CDH19: variants seen among roughly 807,000 people sequenced by gnomAD.
CDH19 encodes the protein cadherin-19.
CDH19 carries 67 observed loss-of-function variants against 64.2 expected under a neutral mutation model. The ratio of observed to expected loss-of-function variants is 1.04; its 90% confidence interval spans 0.86 to 1.28. The LOEUF is 1.28. Among genes scored for constraint, CDH19 ranks in the 50% most tolerant of loss-of-function variants. The pLI, the probability that CDH19 is intolerant of heterozygous loss-of-function variation, is 0.00. For missense variants in CDH19, 1,030 were observed against 929.0 expected, an observed-to-expected ratio of 1.11 and a Z score of -1.41; for synonymous variants, 346 against 319.3, an observed-to-expected ratio of 1.08 and a Z score of -0.89.
chr18:66,568,755 T>C (rs1478264808), intron 2 of CDH19, 45 bp from the exon 3 acceptor site: 2 of 1,438,926 alleles, frequency 1.4e-6, no homozygotes, highest in African/African-American at 1.4e-5. Context: ...ACATCTGAAA[T>C]GGACAAATCA....
chr18:66,569,223 C>G (rs1328022662), intron 2 of CDH19, among the ~76,000 whole-genome samples: 1 of 151,598 alleles, frequency 6.6e-6, no homozygotes, highest in Non-Finnish European at 1.5e-5. Context: ...GTATTTATTA[C>G]ATGTCATAAA....
chr18:66,511,797 A>T (rs79070032), intron 9 of CDH19, 112 bp from the exon 10 acceptor site: 1 of 663,630 alleles, frequency 1.5e-6, no homozygotes, highest in African/African-American at 1.9e-5. Context: ...CAATAGGGAC[A>T]TTGCAGAAAA....
At chr18:66,530,117 A>G (rs1043639938) in intron 8 of CDH19, 151 bp from the exon 9 acceptor site, 1 of 382,544 alleles carries the variant, frequency 2.6e-6, no homozygotes, top group African/African-American at 2.1e-5. Flanking sequence ...TGATTCACCT[A>G]CTTATCAACA....
chr18:66,521,702 A>C lies in CDH19; in HGVS notation c.1458+8143T>G, dbSNP rs1020765700. Reference sequence around the variant, plus strand: ...AGGCATTAATCACCATGCCCAGCTAATTAAAAAAAAAAAATGTAGAGACGG... The same window carrying C: ...AGGCATTAATCACCATGCCCAGCTACTTAAAAAAAAAAAATGTAGAGACGG... On this transcript the variant is annotated intron_variant, in intron 9 of 11. Transcript: ENST00000262150. 2.0e-5 allele frequency among the ~76,000 whole-genome samples: 3 copies of C among 150,086 alleles called. No individual in the cohort carries two copies. In the South Asian group the frequency reaches 6.3e-4, roughly 31 times the overall value.
chr18:66,515,524 A>G (rs1271060146), intron 9 of CDH19, among the ~76,000 whole-genome samples: 1 of 151,798 alleles, frequency 6.6e-6, no homozygotes, highest in African/African-American at 2.4e-5. Flanking sequence ...AAATGTTCAA[A>G]AGGTCATTAT....
chr18:66,568,859 T>G (rs1459353578), intron 2 of CDH19, 149 bp from the exon 3 acceptor site: 2 of 627,936 alleles, frequency 3.2e-6, no homozygotes, highest in African/African-American at 3.7e-5. Context: ...AAAATATTAA[T>G]ATCAAGATTA....
intron 9 of CDH19, among the ~76,000 whole-genome samples, chr18:66,526,106 G>A (rs1221495732): frequency 6.6e-6 from 1 of 152,052 alleles, no homozygotes; most frequent in African/African-American, 2.4e-5. Context: ...ATAATCTAAA[G>A]AGAGCTAGTC....
rs544634590 is a variant in CDH19, at chr18:66,526,394, A to G, written c.1458+3451T>C. Among the ~76,000 whole-genome samples, 32 of 152,264 alleles carry G rather than the reference A, an allele frequency of 2.1e-4. No individual in the cohort carries two copies. The East Asian group carries it at 3.7e-3, about 17-fold the overall frequency. ...GATATTTCTCTCCTCAGTAGAGTTT[A>G]AGACTGAGAATACTTTTACAGTACA... On this transcript the variant is annotated intron_variant, in intron 9 of 11. Coordinates refer to ENST00000262150, the MANE Select transcript of CDH19 (RefSeq NM_021153.4).
chr18:66,511,548 TTA>T lies in CDH19; in HGVS notation c.1576+18_1576+19del, dbSNP rs1985485672. 1 of 1,010,980 alleles carries T rather than the reference TTA, an allele frequency of 9.9e-7. No individual in the cohort carries two copies. The highest frequency in any genetic ancestry group is 2.4e-5 in the East Asian group (1 of 41,666). The allele number at this position is 1,010,980 out of a possible 1,614,324, so 62.6% of individuals were successfully genotyped here. ...AGTCACAAAAATGTATCAAAACTCA[TTA>T]TGAGTGAATGACATTACCTTGATTA... On this transcript the variant is annotated intron_variant, in intron 10 of 11. Coordinates refer to ENST00000262150, the MANE Select transcript of CDH19 (RefSeq NM_021153.4).
rs758559435 is a variant in CDH19 at position 66,504,863 on chromosome 18, G to A, written c.2268C>T (p.Arg756=). 6.2e-7 allele frequency: 1 copy of A among 1,610,576 alleles called. No individual in the cohort carries two copies. The highest frequency in any genetic ancestry group is 8.5e-7 in the Non-Finnish European group (1 of 1,177,350). ...SYDYLNELGP[R]FKRLACMFGS... ...CAAACATGCATGCTAATCTTTTAAA[G>A]CGAGGTCCCAACTCATTAAGGTAAT... The change falls in exon 12 of 12, where the codon CGC becomes CGT. Residue 756 remains arginine (R), a synonymous_variant. Transcript: ENST00000262150.
At chr18:66,564,461 G>C (rs1987832366) in intron 3 of CDH19, among the ~76,000 whole-genome samples, 1 of 151,812 alleles carries the variant, frequency 6.6e-6, no homozygotes. Context: ...TATTAAAAAT[G>C]ATGCCCTCAG....
intron 1 of CDH19, among the ~76,000 whole-genome samples, chr18:66,602,676 C>T (rs951380857): frequency 4.6e-5 from 7 of 151,654 alleles, no homozygotes; most frequent in Non-Finnish European, 8.9e-5. Flanking sequence ...ATGAGCATTT[C>T]GTTCACTGTT....
chr18:66,509,000 A>G lies in CDH19; in HGVS notation c.1823T>C (p.Ile608Thr), dbSNP rs1227159697. Residue 608 changes from isoleucine (I) to threonine (T), a missense_variant, in exon 11 of 12, where the codon ATA (isoleucine) becomes ACA (threonine). Ile to Thr is a moderately conservative substitution (Grantham distance 89). Coordinates refer to ENST00000262150, the MANE Select transcript of CDH19 (RefSeq NM_021153.4). ...CAATGATGACTTCTACCTACCAAAT[A>G]TGATCATAATGCAAATGAGAATAGC... ...IIAILICIMI[I>T]FGFIFLTLGL... The G allele has an allele frequency of 1.2e-6, 2 of 1,606,202 alleles. No individual in the cohort carries two copies. The highest frequency in any genetic ancestry group is 8.5e-7 in the Non-Finnish European group (1 of 1,173,710).
chr18:66,568,773 G>T, intron 2 of CDH19, 63 bp from the exon 3 acceptor site: 2 of 1,354,422 alleles, frequency 1.5e-6, no homozygotes, highest in Non-Finnish European at 2.0e-6. Context: ...TCAAAATCAA[G>T]ATTTTCTTTT....
chr18:66,595,726 T>C (rs868622328), intron 1 of CDH19, among the ~76,000 whole-genome samples: 3 of 152,192 alleles, frequency 2.0e-5, no homozygotes, highest in Middle Eastern at 6.8e-3. Context: ...AGCCAAATTA[T>C]ACCAGATACT....
chr18:66,589,011 G>A (rs1005635580), intron 1 of CDH19, among the ~76,000 whole-genome samples: 1 of 151,726 alleles, frequency 6.6e-6, no homozygotes, highest in Non-Finnish European at 1.5e-5. Flanking sequence ...ATCTTTAAAG[G>A]TTGATGAATA....
rs1984994662 is a variant in CDH19 at position 66,502,615 on chromosome 18, A to C, written c.*2197T>G. On this transcript the variant is annotated 3_prime_UTR_variant, in exon 12 of 12. Coordinates refer to ENST00000262150, the MANE Select transcript of CDH19 (RefSeq NM_021153.4). ...AAATAAAGGAAACAACACTTCATGG[A>C]ATAATTCATGAAAATTTCTCTGACT... is the stretch of plus-strand genomic sequence containing the variant. The C allele has an allele frequency of 6.6e-6, 1 of 152,078 alleles. No homozygotes were observed. 9.4% of individuals were successfully genotyped at this position (152,078 alleles called of 1,614,324 possible).
chr18:66,545,568 G>A (rs907128765), intron 5 of CDH19, among the ~76,000 whole-genome samples: 17 of 151,886 alleles, frequency 1.1e-4, no homozygotes, highest in African/African-American at 4.1e-4. Context: ...CTATTTACAT[G>A]CATGTCTCCT....
At chr18:66,564,357 C>T (rs944050037) in intron 3 of CDH19, among the ~76,000 whole-genome samples, 1 of 151,720 alleles carries the variant, frequency 6.6e-6, no homozygotes. Flanking sequence ...GAGTCTTACT[C>T]ACTAGTTATC....
Sources: gnomAD v4.1 joint callset for allele counts (sites outside exome capture counted in the v4.1 genomes callset) on GRCh38, gnomAD v4.1.1 for gene constraint, MANE v1.5 for transcripts, NCBI Gene and HGNC (gene_info 2026-07-23, HGNC 2026-07-21) for gene names.